EBLN2: variants seen among roughly 807,000 people sequenced by gnomAD.
The protein encoded by EBLN2 is endogenous Bornavirus-like nucleoprotein 2.
For synonymous variants in EBLN2, 131 were observed against 113.6 expected (o/e 1.15, Z -0.97); for missense variants, 397 against 324.2 (o/e 1.22, Z -1.72).
Position 73,063,252 on chromosome 3 carries a change from T to A in EBLN2, c.*352T>A. 1.7e-5 allele frequency: 5 copies of A among 300,194 alleles called. No homozygotes were observed. The South Asian group carries it at 2.2e-4, about 13-fold the overall frequency. The allele number at this position is 300,194 out of a possible 1,614,324, so 18.6% of individuals were successfully genotyped here. The stretch of plus-strand genomic sequence containing the variant: ...AAATGGCATCTACCCCGTAAGATCT[T>A]GAGGGGGGAGTGTTGGGTGGAATCA... On this transcript the variant is annotated 3_prime_UTR_variant, in exon 1 of 1. Coordinates refer to ENST00000533473, the MANE Select transcript of EBLN2 (RefSeq NM_018029.4).
chr3:73,062,926 C>T lies in EBLN2; in HGVS notation c.*26C>T, dbSNP rs1265073803. Reference sequence around the variant, plus strand: ...TTGCCAAGAAAGCACAGATGACAACCTATTAATGCTGTGAGAATGTTTCTA... The same window carrying T: ...TTGCCAAGAAAGCACAGATGACAACTTATTAATGCTGTGAGAATGTTTCTA... On this transcript the variant is annotated 3_prime_UTR_variant, in exon 1 of 1. Coordinates refer to ENST00000533473, the MANE Select transcript of EBLN2 (RefSeq NM_018029.4). 1 of 1,581,008 alleles carries T rather than the reference C, an allele frequency of 6.3e-7. No homozygotes were observed.
chr3:73,063,285 A>G lies in EBLN2; in HGVS notation c.*385A>G, dbSNP rs1263398010. The G allele has an allele frequency of 7.6e-6, 2 of 262,036 alleles. No homozygotes were observed. The highest frequency in any genetic ancestry group is 1.5e-5 in the Non-Finnish European group (2 of 132,112). The allele number at this position is 262,036 out of a possible 1,614,324, so 16.2% of individuals were successfully genotyped here. A position where few individuals can be genotyped will look rare whatever the true frequency, so the allele number is the denominator to read the frequency against. On this transcript the variant is annotated 3_prime_UTR_variant, in exon 1 of 1. Transcript: ENST00000533473. ...GAGTGTTGGGTGGAATCATAGATCC[A>G]TGCACTCCTAACATGAACTAATTCT...
At position 73,062,792 on chromosome 3, in the gene EBLN2, A is replaced by T. The variant is rs1190062938; in HGVS notation, c.711A>T (p.Glu237Asp). Reference sequence around the variant, plus strand: ...ATCTGCTAATCAGCTGCAATGCAGAATCAGCCATAGGTTGGATCAGCTCAA... The same window carrying T: ...ATCTGCTAATCAGCTGCAATGCAGATTCAGCCATAGGTTGGATCAGCTCAA... Reference protein sequence around the residue: ...SADLLISCNAESAIGWISSRP... With the variant: ...SADLLISCNADSAIGWISSRP... Residue 237 changes from glutamate (E) to aspartate (D), a missense_variant, in exon 1 of 1, where the codon GAA (glutamate) becomes GAT (aspartate). Transcript: ENST00000533473. 1.9e-6 allele frequency: 3 copies of T among 1,613,850 alleles called. No individual in the cohort carries two copies. The African/African-American group carries it at 4.0e-5, about 22-fold the overall frequency.
rs770131132 is a variant in EBLN2, at chr3:73,062,578, G to T, written c.497G>T (p.Ser166Ile). The change falls in exon 1 of 1, where the codon AGC (serine) becomes ATC (isoleucine). Residue 166 changes from serine (S) to isoleucine (I), a missense_variant. Ser to Ile is a moderately radical substitution (Grantham distance 142). Coordinates refer to ENST00000533473, the MANE Select transcript of EBLN2 (RefSeq NM_018029.4). ...ENEERGTPYA[S>I]RFKDMPNFIA... Reference sequence around the variant, plus strand: ...GAGGAAAGGGGTACTCCTTATGCTAGCAGATTCAAAGATATGCCTAACTTT... The same window carrying T: ...GAGGAAAGGGGTACTCCTTATGCTATCAGATTCAAAGATATGCCTAACTTT... 16 of 1,614,000 alleles carry T rather than the reference G, an allele frequency of 9.9e-6. No homozygotes were observed. The highest frequency in any genetic ancestry group is 1.3e-5 in the Non-Finnish European group (15 of 1,179,886).
rs1419300303 is a variant in EBLN2, at chr3:73,061,924, A to G, written c.-158A>G. On this transcript the variant is annotated 5_prime_UTR_variant, in exon 1 of 1. Transcript: ENST00000533473. ...GTTATGTTGCTAAATAAGATACTAA[A>G]ATAATCCCATACTATATTTCTTGAC... The G allele has an allele frequency of 1.0e-5, 6 of 595,938 alleles. No individual in the cohort carries two copies. Among genetic ancestry groups the G allele is most frequent in the South Asian group, 2.2e-5 (1 of 45,744 alleles). 36.9% of individuals were successfully genotyped at this position (595,938 alleles called of 1,614,324 possible). A position where few individuals can be genotyped will look rare whatever the true frequency, so the allele number is the denominator to read the frequency against.
At position 73,062,498 on chromosome 3, in the gene EBLN2, A is replaced by G. The variant is rs766454782; in HGVS notation, c.417A>G (p.Ala139=). ...LCFIFDGLHQ[A]LLSVGVSKRS... Reference sequence around the variant, plus strand: ...TCATATTTGATGGGTTACACCAGGCATTACTGAGTGTTGGTGTGAGCAAGA... The same window carrying G: ...TCATATTTGATGGGTTACACCAGGCGTTACTGAGTGTTGGTGTGAGCAAGA... Residue 139 remains alanine (A), a synonymous_variant, in exon 1 of 1, where the codon GCA becomes GCG. Coordinates refer to ENST00000533473, the MANE Select transcript of EBLN2 (RefSeq NM_018029.4). The G allele has an allele frequency of 3.1e-6, 5 of 1,613,688 alleles. No homozygotes were observed. The highest frequency in any genetic ancestry group is 1.1e-5 in the South Asian group (1 of 91,032).
chr3:73,062,439 C>T lies in EBLN2; in HGVS notation c.358C>T (p.His120Tyr). 2 of 1,611,784 alleles carry T rather than the reference C, an allele frequency of 1.2e-6. No individual in the cohort carries two copies. The highest frequency in any genetic ancestry group is 1.7e-6 in the Non-Finnish European group (2 of 1,178,974). ...MLDPAHKSHFHPVTPSLVFLC... is the reference protein window; with the variant it reads ...MLDPAHKSHFYPVTPSLVFLC... ...AGACCCAGCACATAAATCTCATTTCCACCCTGTGACCCCAAGTTTAGTATT... is the reference window on the plus strand; with the variant it reads ...AGACCCAGCACATAAATCTCATTTCTACCCTGTGACCCCAAGTTTAGTATT... Residue 120 changes from histidine to tyrosine, a missense_variant, in exon 1 of 1, where the codon CAC becomes TAC. By Grantham distance (83) the His-to-Tyr change is moderately conservative. Coordinates refer to ENST00000533473, the MANE Select transcript of EBLN2 (RefSeq NM_018029.4).
rs1702903023 is a variant in EBLN2, at chr3:73,063,019, A to T, written c.*119A>T. 1 of 962,990 alleles carries T rather than the reference A, an allele frequency of 1.0e-6. No homozygotes were observed. Among genetic ancestry groups the T allele is most frequent in the Non-Finnish European group, 1.6e-6 (1 of 630,816 alleles). The allele number at this position is 962,990 out of a possible 1,614,324, so 59.7% of individuals were successfully genotyped here. The stretch of plus-strand genomic sequence containing the variant: ...TCTGAGATCCCAGTCTTTGAGGAGA[A>T]AAAAAACAATGGTTAAAAAGGCATT... On this transcript the variant is annotated 3_prime_UTR_variant, in exon 1 of 1. Coordinates refer to ENST00000533473, the MANE Select transcript of EBLN2 (RefSeq NM_018029.4).
rs1192902474 is a variant in EBLN2 at position 73,063,124 on chromosome 3, G to A, written c.*224G>A. 1 of 523,856 alleles carries A rather than the reference G, an allele frequency of 1.9e-6. No individual in the cohort carries two copies. Among genetic ancestry groups the A allele is most frequent in the Non-Finnish European group, 3.4e-6 (1 of 290,350 alleles). 32.5% of individuals were successfully genotyped at this position (523,856 alleles called of 1,614,324 possible). On this transcript the variant is annotated 3_prime_UTR_variant, in exon 1 of 1. Coordinates refer to ENST00000533473, the MANE Select transcript of EBLN2 (RefSeq NM_018029.4). ...GTCACCACGAATGTTCCCAAACTTA[G>A]CAACAGCGGCAAACTACTGGGCCAA... is the stretch of plus-strand genomic sequence containing the variant.
rs976881118 is a variant in EBLN2 at position 73,061,981 on chromosome 3, A to G, written c.-101A>G. ...ACTATTAAAATGTATACATGATAAA[A>G]ATTTCTTTTATGAAGCAAAATATGT... On this transcript the variant is annotated 5_prime_UTR_variant, in exon 1 of 1. Coordinates refer to ENST00000533473, the MANE Select transcript of EBLN2 (RefSeq NM_018029.4). 5.1e-6 allele frequency: 4 copies of G among 788,146 alleles called. No individual in the cohort carries two copies. The highest frequency in any genetic ancestry group is 8.0e-6 in the Non-Finnish European group (4 of 502,536). The allele number at this position is 788,146 out of a possible 1,614,324, so 48.8% of individuals were successfully genotyped here.
Position 73,062,879 on chromosome 3 carries a change from C to T in EBLN2, c.798C>T (p.His266=). The T allele has an allele frequency of 1.2e-6, 2 of 1,611,126 alleles. No homozygotes were observed. The highest frequency in any genetic ancestry group is 1.3e-5 in the African/African-American group (1 of 74,740). The change falls in exon 1 of 1, where the codon CAC becomes CAT. Residue 266 remains histidine (H), a synonymous_variant. Transcript: ENST00000533473. ...LLFGDFESPL[H]KLRKSS Reference sequence around the variant, plus strand: ...TTGGAGACTTTGAATCCCCTCTACACAAGCTACGCAAGTCAAGTTAGTTGC... The same window carrying T: ...TTGGAGACTTTGAATCCCCTCTACATAAGCTACGCAAGTCAAGTTAGTTGC...
chr3:73,062,663 G>T lies in EBLN2; in HGVS notation c.582G>T (p.Ala194=). Residue 194 remains alanine, a synonymous_variant, in exon 1 of 1, where the codon GCG becomes GCT. Coordinates refer to ENST00000533473, the MANE Select transcript of EBLN2 (RefSeq NM_018029.4). ...RHCCDLLIGI[A]AGSSDKICTS... is the part of the protein sequence containing the mutation. Reference sequence around the variant, plus strand: ...GCTGTGACCTTTTGATAGGCATTGCGGCTGGATCAAGTGATAAGATTTGCA... The same window carrying T: ...GCTGTGACCTTTTGATAGGCATTGCTGCTGGATCAAGTGATAAGATTTGCA... 1.2e-6 allele frequency: 2 copies of T among 1,613,830 alleles called. No homozygotes were observed. Among genetic ancestry groups the T allele is most frequent in the South Asian group, 1.1e-5 (1 of 91,078 alleles).
At position 73,062,727 on chromosome 3, in the gene EBLN2, A is replaced by G; in HGVS notation, c.646A>G (p.Met216Val). The change falls in exon 1 of 1, where the codon ATG becomes GTG. Residue 216 changes from methionine to valine, a missense_variant. Physicochemically the swap from Met to Val is conservative, Grantham distance 21. Transcript: ENST00000533473. ...LQVQRRFKAM[M>V]ASIGRLSHGE... ...AGTTCAGAGACGATTCAAGGCAATGATGGCATCTATTGGAAGACTTTCACA... is the reference window on the plus strand; with the variant it reads ...AGTTCAGAGACGATTCAAGGCAATGGTGGCATCTATTGGAAGACTTTCACA... 6.2e-7 allele frequency: 1 copy of G among 1,614,032 alleles called. No individual in the cohort carries two copies. The highest frequency in any genetic ancestry group is 8.5e-7 in the Non-Finnish European group (1 of 1,179,898).
rs904053117 is a variant in EBLN2 at position 73,063,025 on chromosome 3, A to C, written c.*125A>C. 1.5e-5 allele frequency: 14 copies of C among 931,932 alleles called. No homozygotes were observed. The highest frequency in any genetic ancestry group is 2.3e-5 in the Non-Finnish European group (14 of 605,374). The allele number at this position is 931,932 out of a possible 1,614,324, so 57.7% of individuals were successfully genotyped here. A position where few individuals can be genotyped will look rare whatever the true frequency, so the allele number is the denominator to read the frequency against. On this transcript the variant is annotated 3_prime_UTR_variant, in exon 1 of 1. Coordinates refer to ENST00000533473, the MANE Select transcript of EBLN2 (RefSeq NM_018029.4). ...ATCCCAGTCTTTGAGGAGAAAAAAA[A>C]CAATGGTTAAAAAGGCATTGGGGAA... is the stretch of plus-strand genomic sequence containing the variant.
In EBLN2 at chr3:73,062,708, G is replaced by C. The variant is rs750864428; in HGVS notation, c.627G>C (p.Gln209His). ...TTTGCACCAGCAGTCTCCAAGTTCAGAGACGATTCAAGGCAATGATGGCAT... is the reference window on the plus strand; with the variant it reads ...TTTGCACCAGCAGTCTCCAAGTTCACAGACGATTCAAGGCAATGATGGCAT... ...DKICTSSLQV[Q>H]RRFKAMMASI... Residue 209 changes from glutamine to histidine, a missense_variant, in exon 1 of 1, where the codon CAG becomes CAC. Physicochemically the swap from Gln to His is conservative, Grantham distance 24. Coordinates refer to ENST00000533473, the MANE Select transcript of EBLN2 (RefSeq NM_018029.4). 1.9e-6 allele frequency: 3 copies of C among 1,614,018 alleles called. No individual in the cohort carries two copies. In the South Asian group the frequency reaches 3.3e-5, roughly 18 times the overall value.
Position 73,062,466 on chromosome 3 carries a change from T to C in EBLN2, c.385T>C (p.Leu129=), listed in dbSNP as rs1553651759. ...FHPVTPSLVF[L]CFIFDGLHQA... is the part of the protein sequence containing the mutation. ...CCCTGTGACCCCAAGTTTAGTATTC[T>C]TGTGTTTCATATTTGATGGGTTACA... Residue 129 remains leucine, a synonymous_variant, in exon 1 of 1, where the codon TTG becomes CTG. Coordinates refer to ENST00000533473, the MANE Select transcript of EBLN2 (RefSeq NM_018029.4). The C allele has an allele frequency of 1.2e-5, 20 of 1,612,832 alleles. No individual in the cohort carries two copies. The highest frequency in any genetic ancestry group is 5.0e-5 in the Admixed American group (3 of 59,796).
In EBLN2 at chr3:73,061,698, T is replaced by C. The variant is rs760241869; in HGVS notation, c.-384T>C. On this transcript the variant is annotated 5_prime_UTR_variant, in exon 1 of 1. Coordinates refer to ENST00000533473, the MANE Select transcript of EBLN2 (RefSeq NM_018029.4). ...GGAGGTTGTCCCCTGCTGAGAACCA[T>C]TGGTTTAAGGTTAATCTGGCTCTGC... 4 of 191,154 alleles carry C rather than the reference T, an allele frequency of 2.1e-5. No homozygotes were observed. The highest frequency in any genetic ancestry group is 4.3e-5 in the Non-Finnish European group (4 of 93,920). The allele number at this position is 191,154 out of a possible 1,614,324, so 11.8% of individuals were successfully genotyped here.
Position 73,062,045 on chromosome 3 carries a change from G to T in EBLN2, c.-37G>T. On this transcript the variant is annotated 5_prime_UTR_variant, in exon 1 of 1. It removes an upstream start codon present in the reference 5' UTR. Transcript: ENST00000533473. Reference sequence around the variant, plus strand: ...TGAACGTGAGGTATTTTGGAAAAATGGTAAAGAAGTGCAGAGTCAAGTCAT... The same window carrying T: ...TGAACGTGAGGTATTTTGGAAAAATTGTAAAGAAGTGCAGAGTCAAGTCAT... 7.0e-7 allele frequency: 1 copy of T among 1,434,972 alleles called. No homozygotes were observed. The highest frequency in any genetic ancestry group is 1.4e-5 in the South Asian group (1 of 72,802). The allele number at this position is 1,434,972 out of a possible 1,614,324, so 88.9% of individuals were successfully genotyped here.
At position 73,062,289 on chromosome 3, in the gene EBLN2, C is replaced by T. The variant is rs370588670; in HGVS notation, c.208C>T (p.Leu70Phe). ...AGATGACGCAATGGACAGGAGTGGGCTCCCTGACCTTCAAGGAAGATTTGA... is the reference window on the plus strand; with the variant it reads ...AGATGACGCAATGGACAGGAGTGGGTTCCCTGACCTTCAAGGAAGATTTGA... The part of the protein sequence containing the change: ...PGDDAMDRSG[L>F]PDLQGRFELS... Residue 70 changes from leucine (L) to phenylalanine (F), a missense_variant, in exon 1 of 1, where the codon CTC (leucine) becomes TTC (phenylalanine). Coordinates refer to ENST00000533473, the MANE Select transcript of EBLN2 (RefSeq NM_018029.4). 3 of 1,607,654 alleles carry T rather than the reference C, an allele frequency of 1.9e-6. No homozygotes were observed. Among genetic ancestry groups the T allele is most frequent in the East Asian group, 2.2e-5 (1 of 44,748 alleles).
Sources: allele counts gnomAD v4.1 joint callset, GRCh38; gene constraint gnomAD v4.1.1; transcripts MANE v1.5; gene names NCBI Gene and HGNC (gene_info 2026-07-23, HGNC 2026-07-21).